The following MCF2L2 variants were observed in gnomAD, a reference collection of about 807,000 sequenced individuals.
The protein encoded by MCF2L2 is MCF.2 cell line derived transforming sequence-like 2.
In MCF2L2, 102 loss-of-function variants were observed where a neutral mutation model predicts 150.2. The observed-to-expected ratio is 0.68, with a 90% CI of 0.58 to 0.80. MCF2L2 has a LOEUF of 0.80. Among genes scored for constraint, MCF2L2 ranks in the 30% least tolerant of loss-of-function variants. MCF2L2 has a pLI of 0.00. For missense variants in MCF2L2, 1,256 were observed against 1,372.8 expected, an observed-to-expected ratio of 0.91 and a Z score of 1.34; for synonymous variants, 465 against 491.3, an observed-to-expected ratio of 0.95 and a Z score of 0.71.
chr3:183,319,174 C>T (rs964295941), intron 6 of MCF2L2, among the ~76,000 whole-genome samples: 2 of 152,226 alleles, frequency 1.3e-5, no homozygotes, highest in African/African-American at 2.4e-5. Context: ...CCTTTGTTGT[C>T]ATTTCAACAA....
At chr3:183,372,375 C>T (rs938029867) in intron 3 of MCF2L2, 5 of 152,100 alleles carry the variant, frequency 3.3e-5, no homozygotes, top group Non-Finnish European at 5.9e-5. Flanking sequence ...ACACAACGAA[C>T]ACCAAAGACT....
At chr3:183,399,199 T>C (rs1384861830) in intron 1 of MCF2L2, among the ~76,000 whole-genome samples, 1 of 152,202 alleles carries the variant, frequency 6.6e-6, no homozygotes, top group East Asian at 1.9e-4. Context: ...ATATAATTTA[T>C]GCATTATCTA....
At chr3:183,188,083 G>A (rs1447212962) in intron 27 of MCF2L2, among the ~76,000 whole-genome samples, 11 of 152,164 alleles carry the variant, frequency 7.2e-5, no homozygotes, top group Admixed American at 7.2e-4. Flanking sequence ...ATACTCCCAT[G>A]CCCAGCTGTA....
intron 14 of MCF2L2, among the ~76,000 whole-genome samples, chr3:183,277,716 T>A (rs1727241263): frequency 6.7e-6 from 1 of 149,404 alleles, no homozygotes; most frequent in South Asian, 2.2e-4. Context: ...TTGGCTAGGC[T>A]GGTCTTGAAC....
intron 3 of MCF2L2, among the ~76,000 whole-genome samples, chr3:183,357,347 A>G (rs1393933109): frequency 6.6e-6 from 1 of 152,236 alleles, no homozygotes; most frequent in Non-Finnish European, 1.5e-5. Context: ...TAGCTTTTGC[A>G]GCGATCTAAG....
Position 183,193,082 on chromosome 3 carries a change from G to C in MCF2L2, c.2933C>G (p.Ala978Gly), listed in dbSNP as rs746819406. ...ATTTTTAATCCATGGTCCGGATCCT[G>C]CTCCACTGCCTTTGCTTTAGAGAAA... ...FEMSTSKGSGAGSGPWIKNME... is the reference protein window; with the variant it reads ...FEMSTSKGSGGGSGPWIKNME... Residue 978 changes from alanine to glycine, a missense_variant, in exon 27 of 30, where the codon GCA becomes GGA. By Grantham distance (60) the Ala-to-Gly change is moderately conservative. Coordinates refer to ENST00000328913, the MANE Select transcript of MCF2L2 (RefSeq NM_015078.4). 16 of 1,613,738 alleles carry C rather than the reference G, an allele frequency of 9.9e-6. No homozygotes were observed. The East Asian group carries it at 3.6e-4, about 36-fold the overall frequency.
At chr3:183,231,858 C>A (rs1723573559) in intron 15 of MCF2L2, among the ~76,000 whole-genome samples, 1 of 152,112 alleles carries the variant, frequency 6.6e-6, no homozygotes, top group Non-Finnish European at 1.5e-5. Flanking sequence ...CTGTGATTTC[C>A]TAAGGCAAAA....
intron 1 of MCF2L2, among the ~76,000 whole-genome samples, chr3:183,415,634 T>C (rs572960153): frequency 3.2e-4 from 48 of 152,322 alleles, no homozygotes; most frequent in African/African-American, 1.1e-3. Flanking sequence ...GTATCTCTAG[T>C]GACTTTTTTT....
chr3:183,365,993 TAAAG>T (rs1171462519), intron 3 of MCF2L2, among the ~76,000 whole-genome samples: 1 of 150,812 alleles, frequency 6.6e-6, no homozygotes, highest in Admixed American at 6.6e-5. Flanking sequence ...AGTAAAGTGA[TAAAG>T]AGATGAAAAA....
intron 1 of MCF2L2, among the ~76,000 whole-genome samples, chr3:183,415,782 G>A (rs1229804833): frequency 6.6e-6 from 1 of 152,052 alleles, no homozygotes; most frequent in African/African-American, 2.4e-5. Flanking sequence ...AATATAAAGT[G>A]TGTCTCCAGG....
intron 3 of MCF2L2, among the ~76,000 whole-genome samples, chr3:183,356,169 T>A (rs1480942019): frequency 7.5e-6 from 1 of 132,802 alleles, no homozygotes; most frequent in Admixed American, 7.6e-5. Context: ...AAAATTGACT[T>A]AAAAAAAAAA....
chr3:183,363,019 CA>C lies in MCF2L2; in HGVS notation c.275+16277del, dbSNP rs1560041241. On this transcript the variant is annotated intron_variant, in intron 3 of 29. Transcript: ENST00000328913. The stretch of plus-strand genomic sequence containing the variant: ...ACAGCACCTTACTAAAGAAGATTTA[CA>C]GATGACAAATAAACATATGAAAAGA... Among the ~76,000 whole-genome samples, 3 of 152,116 alleles carry C rather than the reference CA, an allele frequency of 2.0e-5. 1 individual carries two copies. The highest frequency in any genetic ancestry group is 4.4e-5 in the Non-Finnish European group (3 of 68,030).
At chr3:183,250,732 G>A (rs189201309) in intron 15 of MCF2L2, among the ~76,000 whole-genome samples, 62 of 152,282 alleles carry the variant, frequency 4.1e-4, no homozygotes, top group Non-Finnish European at 7.1e-4. Flanking sequence ...AGAAAGAGGC[G>A]GCGGAGCCAA....
rs60311053 is a variant in MCF2L2 at position 183,351,190 on chromosome 3, GTATATATATA to G, written c.276-9570_276-9561del. ...GTGTGTGTGATATTTATTTTCTTAA[GTATATATATA>G]TATATATATATATATATATATATAT... is the stretch of plus-strand genomic sequence containing the variant. On this transcript the variant is annotated intron_variant, in intron 3 of 29. Coordinates refer to ENST00000328913, the MANE Select transcript of MCF2L2 (RefSeq NM_015078.4). 8.9e-3 allele frequency among the ~76,000 whole-genome samples: 344 copies of G among 38,806 alleles called. 2 individuals carry two copies. Among genetic ancestry groups the G allele is most frequent in the Middle Eastern group, 0.034 (2 of 58 alleles). 25.5% of individuals were successfully genotyped at this position (38,806 alleles called of 152,430 possible).
At chr3:183,388,915 T>C (rs142883197) in intron 2 of MCF2L2, among the ~76,000 whole-genome samples, 34 of 152,306 alleles carry the variant, frequency 2.2e-4, no homozygotes, top group African/African-American at 7.9e-4. Flanking sequence ...CAACTACATA[T>C]TCTCTCTGTG....
At chr3:183,397,740 G>T (rs532658104) in intron 1 of MCF2L2, among the ~76,000 whole-genome samples, 77 of 152,230 alleles carry the variant, frequency 5.1e-4, no homozygotes, top group African/African-American at 1.7e-3. Flanking sequence ...GTCAAAATAT[G>T]AAATATGCAG....
chr3:183,232,948 C>CAGTA (rs1257679128), intron 15 of MCF2L2, among the ~76,000 whole-genome samples: 1 of 152,156 alleles, frequency 6.6e-6, no homozygotes, highest in Non-Finnish European at 1.5e-5. Context: ...AACACGTGCT[C>CAGTA]CTTGGTTCAG....
chr3:183,257,348 T>G (rs1316529323), intron 15 of MCF2L2, among the ~76,000 whole-genome samples: 1 of 152,216 alleles, frequency 6.6e-6, no homozygotes, highest in African/African-American at 2.4e-5. Flanking sequence ...CAGCTTGCAC[T>G]GGAATATTTA....
Position 183,179,756 on chromosome 3 carries a change from A to G in MCF2L2, c.3106-64T>C, listed in dbSNP as rs535325471. On this transcript the variant is annotated intron_variant, in intron 28 of 29. Coordinates refer to ENST00000328913, the MANE Select transcript of MCF2L2 (RefSeq NM_015078.4). This position sits in a 1 kb window ranked among gnomAD's most constrained non-coding sequence, Gnocchi z 4.2. ...CTGGAGGCTGTGGCCAGACCGGGCA[A>G]GGTGGTGACTCCCGCTGGCAGGCTG... 3.0e-4 allele frequency: 423 copies of G among 1,428,868 alleles called. 2 individuals carry two copies. Among genetic ancestry groups the G allele is most frequent in the Non-Finnish European group, 3.6e-5 (37 of 1,022,140 alleles). The allele number at this position is 1,428,868 out of a possible 1,614,324, so 88.5% of individuals were successfully genotyped here. A position where few individuals can be genotyped will look rare whatever the true frequency, so the allele number is the denominator to read the frequency against.
Sources: gnomAD v4.1 joint callset for allele counts (sites outside exome capture counted in the v4.1 genomes callset) on GRCh38, gnomAD v4.1.1 for gene constraint, Gnocchi (gnomAD v3.1) non-coding constraint, MANE v1.5 for transcripts, NCBI Gene and HGNC (gene_info 2026-07-23, HGNC 2026-07-21) for gene names.